Variants in EPHB2 observed in about 807,000 individuals in gnomAD.
EPHB2 encodes the protein EPH receptor B2.
A neutral mutation model predicts 96.4 loss-of-function variants in EPHB2; 18 were observed. The ratio of observed to expected loss-of-function variants is 0.19; its 90% CI spans 0.13 to 0.28. The LOEUF (loss-of-function observed/expected upper bound fraction) is 0.28. Among genes scored for constraint, EPHB2 ranks in the 10% least tolerant of loss-of-function variants. EPHB2 has a pLI of 1.00. For missense variants in EPHB2, 989 were observed against 1,355.4 expected (o/e 0.73, Z 4.25); for synonymous variants, 506 against 534.1 (o/e 0.95, Z 0.72).
chr1:22,814,626 G>A (rs4655119), intron 3 of EPHB2, among the ~76,000 whole-genome samples: 39,866 of 152,064 alleles, frequency 0.26, 5,880 homozygotes, highest in African/African-American at 0.4. Context: ...GGCTCAGAAA[G>A]GTGAATGCAC....
rs761618034 is a variant in EPHB2 at position 22,865,044 on chromosome 1, G to A, written c.1135G>A (p.Val379Ile). 3.7e-6 allele frequency: 6 copies of A among 1,614,086 alleles called. No individual in the cohort carries two copies. The highest frequency in any genetic ancestry group is 1.3e-5 in the African/African-American group (1 of 74,938). Residue 379 changes from valine to isoleucine, a missense_variant, in exon 5 of 16, where the codon GTA becomes ATA. Transcript: ENST00000374630. ...RGACTRCGDNVQYAPRQLGLT... is the reference protein window; with the variant it reads ...RGACTRCGDNIQYAPRQLGLT... ...TGCCTGCACCCGCTGCGGGGACAAT[G>A]TACAGTACGCACCACGCCAGCTAGG...
chr1:22,765,431 C>T (rs1644294303), intron 1 of EPHB2, among the ~76,000 whole-genome samples: 1 of 151,758 alleles, frequency 6.6e-6, no homozygotes, highest in East Asian at 1.9e-4. Context: ...CCTGTAATCC[C>T]AGCTACTCAG....
intron 1 of EPHB2, among the ~76,000 whole-genome samples, chr1:22,727,800 A>C (rs897864321): frequency 4.0e-5 from 6 of 150,936 alleles, no homozygotes; most frequent in South Asian, 2.1e-4. Context: ...AAAAAACAAA[A>C]AAAAAAAAAA....
Position 22,858,233 on chromosome 1 carries a change from AGG to A in EPHB2, c.812-4800_812-4799del, listed in dbSNP as rs146476292. ...CAGGAGCGCAGTGAGTGAGAGGAGG[AGG>A]GGGAAGCGTCCAGGAGACCATCAGG... On this transcript the variant is annotated intron_variant, in intron 3 of 15. Coordinates refer to ENST00000374630, the MANE Select transcript of EPHB2 (RefSeq NM_017449.5). This position sits in a 1 kb window ranked among gnomAD's most constrained non-coding sequence, Gnocchi z 7.7. Among the ~76,000 whole-genome samples the A allele has an allele frequency of 0.17, 26,207 of 152,054 alleles. 2,725 individuals are homozygous for A. The highest frequency in any genetic ancestry group is 0.24 in the Non-Finnish European group (16,015 of 67,930).
At chr1:22,886,237 A>G (rs923165006) in intron 6 of EPHB2, among the ~76,000 whole-genome samples, 13 of 152,202 alleles carry the variant, frequency 8.5e-5, no homozygotes, top group Non-Finnish European at 1.9e-4. Flanking sequence ...TGTTCTAGGC[A>G]TCAGGAATCG....
intron 5 of EPHB2, among the ~76,000 whole-genome samples, chr1:22,880,914 G>GGCAC (rs1457858973): frequency 6.6e-6 from 1 of 152,176 alleles, no homozygotes; most frequent in African/African-American, 2.4e-5. Flanking sequence ...GACCTACCTC[G>GGCAC]GCACCTCAGG....
intron 3 of EPHB2, among the ~76,000 whole-genome samples, chr1:22,800,791 C>T (rs996970205): frequency 4.0e-5 from 6 of 151,736 alleles, no homozygotes; most frequent in Non-Finnish European, 8.8e-5. Flanking sequence ...CACACACACA[C>T]ACACACTCTC....
At chr1:22,800,077 CCCCACA>C (rs1644820675) in intron 3 of EPHB2, among the ~76,000 whole-genome samples, 1 of 152,256 alleles carries the variant, frequency 6.6e-6, no homozygotes, top group African/African-American at 2.4e-5. Context: ...AGCTGCCCTC[CCCCACA>C]CCCTGCTGTC....
At chr1:22,762,786 T>C (rs1224147992) in intron 1 of EPHB2, among the ~76,000 whole-genome samples, 3 of 152,180 alleles carry the variant, frequency 2.0e-5, no homozygotes, top group African/African-American at 7.2e-5. Flanking sequence ...ATCATGATTT[T>C]CTGTGAAATG....
intron 3 of EPHB2, among the ~76,000 whole-genome samples, chr1:22,786,030 G>A (rs916078053): frequency 1.1e-4 from 17 of 152,154 alleles, no homozygotes; most frequent in South Asian, 2.1e-4. Flanking sequence ...GTTTGAATAT[G>A]GTAAAGAACC....
intron 1 of EPHB2, among the ~76,000 whole-genome samples, chr1:22,750,136 G>T (rs1282249821): frequency 6.6e-6 from 1 of 152,202 alleles, no homozygotes; most frequent in Non-Finnish European, 1.5e-5. Flanking sequence ...CACACAGCAA[G>T]CAAGTGTCAG....
rs371746572 is a variant in EPHB2 at position 22,906,128 on chromosome 1, C to T, written c.1888+19C>T. On this transcript the variant is annotated intron_variant, in intron 10 of 15. Transcript: ENST00000374630. The surrounding 1 kb of genome is among the most constrained non-coding windows in gnomAD (Gnocchi z 4.8). ...GGAGCAGGTAGGTGGCTGGTACTCT[C>T]ACATGTACTATGACCTTAGCCATGG... is the stretch of plus-strand genomic sequence containing the variant. 90 of 1,614,010 alleles carry T rather than the reference C, an allele frequency of 5.6e-5. No individual in the cohort carries two copies. Among genetic ancestry groups the T allele is most frequent in the Non-Finnish European group, 6.4e-5 (75 of 1,180,040 alleles).
intron 3 of EPHB2, among the ~76,000 whole-genome samples, chr1:22,853,383 G>A (rs568314638): frequency 1.3e-5 from 2 of 152,318 alleles, no homozygotes; most frequent in South Asian, 4.1e-4. Flanking sequence ...AGACACTGGG[G>A]CTGGTGCCAG....
At chr1:22,911,094 C>G (rs1303666015) in intron 14 of EPHB2, among the ~76,000 whole-genome samples, 1 of 151,506 alleles carries the variant, frequency 6.6e-6, no homozygotes, top group Non-Finnish European at 1.5e-5. Context: ...GAGCTGAGAT[C>G]GTGCCACTGC....
In EPHB2 at chr1:22,860,039, T is replaced by G. The variant is rs1311946984; in HGVS notation, c.812-2998T>G. ...ATGGAATCCTGCTTTCATGGCTGGC[T>G]TCTTTCACTGAGCACGATGTGTCCA... On this transcript the variant is annotated intron_variant, in intron 3 of 15. Transcript: ENST00000374630. This position sits in a 1 kb window ranked among gnomAD's most constrained non-coding sequence, Gnocchi z 4.6. 2.6e-5 allele frequency among the ~76,000 whole-genome samples: 4 copies of G among 152,234 alleles called. No individual in the cohort carries two copies. The highest frequency in any genetic ancestry group is 5.9e-5 in the Non-Finnish European group (4 of 68,042).
intron 3 of EPHB2, among the ~76,000 whole-genome samples, chr1:22,856,290 C>T (rs1645697657): frequency 6.6e-6 from 1 of 152,224 alleles, no homozygotes; most frequent in Admixed American, 6.5e-5. Context: ...TCAATTATCA[C>T]CTATCCCCAG....
chr1:22,773,492 G>A (rs1644406251), intron 1 of EPHB2, among the ~76,000 whole-genome samples: 1 of 152,230 alleles, frequency 6.6e-6, no homozygotes, highest in Admixed American at 6.5e-5. Flanking sequence ...TTGCTGCCTA[G>A]GCTACAGGCC....
chr1:22,761,115 A>G (rs1472685066), intron 1 of EPHB2, among the ~76,000 whole-genome samples: 1 of 152,174 alleles, frequency 6.6e-6, no homozygotes, highest in Non-Finnish European at 1.5e-5. Context: ...ACCAATTATG[A>G]GCCTGCCCCC....
At chr1:22,840,650 G>A (rs1159466762) in intron 3 of EPHB2, among the ~76,000 whole-genome samples, 2 of 152,020 alleles carry the variant, frequency 1.3e-5, no homozygotes, top group African/African-American at 4.8e-5. Flanking sequence ...TAGCAGAGAT[G>A]GGATCTTGCC....
Sources: gnomAD v4.1 joint callset for allele counts (sites outside exome capture counted in the v4.1 genomes callset) on GRCh38, gnomAD v4.1.1 for gene constraint, Gnocchi (gnomAD v3.1) non-coding constraint, MANE v1.5 for transcripts, NCBI Gene and HGNC (gene_info 2026-07-23, HGNC 2026-07-21) for gene names.